GABRG3: variants seen among roughly 807,000 people sequenced by gnomAD.
The protein encoded by GABRG3 is gamma-aminobutyric acid receptor subunit gamma-3.
GABRG3 carries 25 observed loss-of-function variants against 48.8 expected under a neutral mutation model. The observed-to-expected ratio is 0.51, with a 90% confidence interval of 0.37 to 0.72. The LOEUF (loss-of-function observed/expected upper bound fraction) is 0.72. Ranked by LOEUF, GABRG3 falls within the 30% of genes least tolerant of loss-of-function variation. The pLI, the probability that GABRG3 is intolerant of heterozygous loss-of-function variation, is 0.00. For missense variants in GABRG3, 394 were observed against 577.9 expected, an observed-to-expected ratio of 0.68 and a Z score of 3.26; for synonymous variants, 227 against 217.6, an observed-to-expected ratio of 1.04 and a Z score of -0.38.
intron 2 of GABRG3, among the ~76,000 whole-genome samples, chr15:26,980,241 C>T (rs1895027508): frequency 6.6e-6 from 1 of 151,822 alleles, no homozygotes; most frequent in African/African-American, 2.4e-5. Context: ...ATTTTATTGA[C>T]CTTTTTAAAG....
intron 2 of GABRG3, among the ~76,000 whole-genome samples, chr15:27,022,947 C>A (rs1035499049): frequency 6.6e-6 from 1 of 152,168 alleles, no homozygotes; most frequent in African/African-American, 2.4e-5. Context: ...CCACCTCAAT[C>A]CATCAACGGA....
chr15:27,006,835 T>A (rs1250142071), intron 2 of GABRG3, among the ~76,000 whole-genome samples: 1 of 139,646 alleles, frequency 7.2e-6, no homozygotes, highest in Non-Finnish European at 1.6e-5. Context: ...CATGATCTCG[T>A]TTGTTTTTTT....
chr15:27,126,707 A>T (rs1244947301), intron 3 of GABRG3, among the ~76,000 whole-genome samples: 1 of 152,224 alleles, frequency 6.6e-6, no homozygotes, highest in Non-Finnish European at 1.5e-5. Context: ...GCCACTGGGC[A>T]ATAATGCTGT....
chr15:27,062,197 C>T (rs191396462), intron 3 of GABRG3, among the ~76,000 whole-genome samples: 1 of 152,134 alleles, frequency 6.6e-6, no homozygotes, highest in East Asian at 1.9e-4. Flanking sequence ...CCTTTGGAGC[C>T]AGAGTCTGTG....
chr15:27,188,550 C>T (rs554239278), intron 3 of GABRG3, among the ~76,000 whole-genome samples: 35 of 151,374 alleles, frequency 2.3e-4, no homozygotes, highest in African/African-American at 8.5e-4. Flanking sequence ...TGTTCATGTC[C>T]TTTGCCCACT....
chr15:27,303,335 C>A (rs1326482191), intron 3 of GABRG3, among the ~76,000 whole-genome samples: 1 of 151,642 alleles, frequency 6.6e-6, no homozygotes, highest in Non-Finnish European at 1.5e-5. Flanking sequence ...ATGGGAATAA[C>A]TTCAACAACT....
intron 3 of GABRG3, among the ~76,000 whole-genome samples, chr15:27,060,843 C>G (rs959530662): frequency 2.0e-5 from 3 of 152,230 alleles, no homozygotes; most frequent in African/African-American, 7.2e-5. Context: ...TTATATGTCT[C>G]TCTTCAGCTC....
intron 5 of GABRG3, among the ~76,000 whole-genome samples, chr15:27,339,041 A>C (rs775951000): frequency 6.6e-6 from 1 of 152,128 alleles, no homozygotes. Context: ...GCCTTCCCCC[A>C]TGTCTTTTGC....
intron 3 of GABRG3, among the ~76,000 whole-genome samples, chr15:27,269,239 G>A (rs1239825067): frequency 6.6e-6 from 1 of 151,852 alleles, no homozygotes; most frequent in East Asian, 1.9e-4. Context: ...CGTGATTTCA[G>A]TGTAATATCT....
chr15:27,455,365 G>C (rs1388449856), intron 5 of GABRG3, among the ~76,000 whole-genome samples: 2 of 90,808 alleles, frequency 2.2e-5, no homozygotes, highest in African/African-American at 7.7e-5. Flanking sequence ...TGTATGCCGT[G>C]GGTGGTTCGT....
At chr15:27,227,792 A>G (rs74248639) in intron 3 of GABRG3, among the ~76,000 whole-genome samples, 5,764 of 152,282 alleles carry the variant, frequency 0.038, 232 homozygotes, top group East Asian at 0.1. Flanking sequence ...TTATTCCACC[A>G]TAACTACTTT....
chr15:27,347,087 G>A (rs1422509343), intron 5 of GABRG3, among the ~76,000 whole-genome samples: 1 of 152,040 alleles, frequency 6.6e-6, no homozygotes, highest in Non-Finnish European at 1.5e-5. Context: ...GTCTGACTAG[G>A]AATTGGGCTG....
chr15:27,146,172 C>A (rs1172045212), intron 3 of GABRG3, among the ~76,000 whole-genome samples: 1 of 152,246 alleles, frequency 6.6e-6, no homozygotes, highest in African/African-American at 2.4e-5. Flanking sequence ...AAGAAATAAC[C>A]TGCCAGGCAC....
At chr15:27,491,479 A>T (rs565085812) in intron 6 of GABRG3, among the ~76,000 whole-genome samples, 5 of 152,296 alleles carry the variant, frequency 3.3e-5, no homozygotes, top group African/African-American at 1.2e-4. Flanking sequence ...GTATCACCTC[A>T]TGTGTCATCA....
chr15:27,458,597 G>A (rs1369791960), intron 5 of GABRG3, among the ~76,000 whole-genome samples: 1 of 152,106 alleles, frequency 6.6e-6, no homozygotes, highest in African/African-American at 2.4e-5. Flanking sequence ...GCCTGGTGGC[G>A]CCTTCGAATC....
intron 5 of GABRG3, among the ~76,000 whole-genome samples, chr15:27,352,000 A>G (rs1324730509): frequency 1.4e-5 from 2 of 139,834 alleles, no homozygotes; most frequent in African/African-American, 2.7e-5. Context: ...GTGTGTGTGT[A>G]TATATGATGT....
At chr15:27,004,406 C>CTGCAATCTTGGCATTTTGG (rs1895540245) in intron 2 of GABRG3, among the ~76,000 whole-genome samples, 1 of 150,438 alleles carries the variant, frequency 6.6e-6, no homozygotes, top group Non-Finnish European at 1.5e-5. Context: ...CGGGAAGAGG[C>CTGCAATCTTGGCATTTTGG]GCTCCTCACT....
rs1358626744 is a variant in GABRG3 at position 26,975,654 on chromosome 15, T to A, written c.54-1348T>A. The stretch of plus-strand genomic sequence containing the variant: ...TAAGTGGAAAAAATGAATATGAAAT[T>A]TTATTTTTTAAATTAACATCTTGTT... On this transcript the variant is annotated intron_variant, in intron 1 of 9. Transcript: ENST00000615808. The surrounding 1 kb of genome is among the most constrained non-coding windows in gnomAD (Gnocchi z 4.6). 6.6e-6 allele frequency among the ~76,000 whole-genome samples: 1 copy of A among 152,190 alleles called. No homozygotes were observed. The highest frequency in any genetic ancestry group is 1.5e-5 in the Non-Finnish European group (1 of 68,044).
intron 3 of GABRG3, among the ~76,000 whole-genome samples, chr15:27,055,210 A>T (rs1038231077): frequency 2.6e-5 from 4 of 151,540 alleles, no homozygotes; most frequent in African/African-American, 9.7e-5. Context: ...TGTGATAGAG[A>T]CTCTGTGTCC....
Sources: allele counts gnomAD v4.1 joint callset (sites outside exome capture counted in the v4.1 genomes callset), GRCh38; gene constraint gnomAD v4.1.1; non-coding constraint Gnocchi (gnomAD v3.1); transcripts MANE v1.5; gene names NCBI Gene and HGNC (gene_info 2026-07-23, HGNC 2026-07-21).